Variants in RBFOX1 observed in about 807,000 individuals in gnomAD.
RBFOX1 encodes the protein RNA binding fox-1 homolog 1.
RBFOX1 carries 8 observed loss-of-function variants against 57.7 expected under a neutral mutation model. The observed-to-expected ratio is 0.14, with a 90% CI of 0.08 to 0.25. The LOEUF (loss-of-function observed/expected upper bound fraction) is 0.25, where lower values mean the gene tolerates loss of function less well. Ranked by LOEUF, RBFOX1 falls within the 10% of genes least tolerant of loss-of-function variation. RBFOX1 has a pLI of 1.00. For missense variants in RBFOX1, 611 were observed against 548.5 expected (o/e 1.11, Z -1.14); for synonymous variants, 326 against 222.4 (o/e 1.47, Z -4.15).
chr16:6,252,272 G>A (rs2152948446), intron 1 of RBFOX1, among the ~76,000 whole-genome samples: 1 of 152,120 alleles, frequency 6.6e-6, no homozygotes, highest in South Asian at 2.1e-4. Context: ...AAAGAAGAAA[G>A]GTAAAATGGG....
At chr16:5,866,587 C>G (rs1408078630) in intron 3 of RBFOX1, among the ~76,000 whole-genome samples, 5 of 152,206 alleles carry the variant, frequency 3.3e-5, no homozygotes, top group Non-Finnish European at 7.3e-5. Flanking sequence ...TGGGAGGTGT[C>G]TACACCAAAT....
intron 4 of RBFOX1, among the ~76,000 whole-genome samples, chr16:7,157,131 T>A (rs2077313912): frequency 6.6e-6 from 1 of 152,196 alleles, no homozygotes; most frequent in South Asian, 2.1e-4. Flanking sequence ...GCAATCGTAT[T>A]CTCATTGGCA....
At chr16:6,101,406 A>G (rs1453520701) in intron 1 of RBFOX1, among the ~76,000 whole-genome samples, 3 of 152,070 alleles carry the variant, frequency 2.0e-5, no homozygotes, top group Non-Finnish European at 4.4e-5. Context: ...ATTTTTTCTC[A>G]CAAGGCAGCC....
intron 5 of RBFOX1, among the ~76,000 whole-genome samples, chr16:7,532,888 G>C (rs2152392936): frequency 6.6e-6 from 1 of 152,320 alleles, no homozygotes; most frequent in East Asian, 1.9e-4. Flanking sequence ...CCCCGATCTA[G>C]GCCAAAGTGT....
intron 2 of RBFOX1, among the ~76,000 whole-genome samples, chr16:5,544,055 C>T (rs2045080732): frequency 6.6e-6 from 1 of 152,124 alleles, no homozygotes; most frequent in Non-Finnish European, 1.5e-5. Context: ...ACAATGTCAC[C>T]AACCAGTTTG....
At chr16:7,214,184 A>G (rs2091639855) in intron 4 of RBFOX1, among the ~76,000 whole-genome samples, 1 of 151,988 alleles carries the variant, frequency 6.6e-6, no homozygotes, top group Non-Finnish European at 1.5e-5. Context: ...GCCACAGTAG[A>G]CCCTTCATTT....
At chr16:6,746,692 A>T (rs74815641) in intron 3 of RBFOX1, among the ~76,000 whole-genome samples, 3 of 151,898 alleles carry the variant, frequency 2.0e-5, no homozygotes, top group African/African-American at 7.3e-5. Context: ...AAAAAAAAAA[A>T]GTGTTGTCTT....
intron 4 of RBFOX1, among the ~76,000 whole-genome samples, chr16:7,506,536 G>C (rs755556163): frequency 6.6e-6 from 1 of 151,988 alleles, no homozygotes; most frequent in Non-Finnish European, 1.5e-5. Flanking sequence ...TCTTTTCCTC[G>C]TTACCAGACA....
intron 4 of RBFOX1, among the ~76,000 whole-genome samples, chr16:7,257,827 A>C (rs1428166088): frequency 6.6e-6 from 1 of 152,228 alleles, no homozygotes; most frequent in Non-Finnish European, 1.5e-5. Context: ...GCATTTAGCT[A>C]AGGAAATTAA....
intron 1 of RBFOX1, among the ~76,000 whole-genome samples, chr16:6,215,196 A>G (rs1159842451): frequency 1.4e-3 from 89 of 62,524 alleles, no homozygotes; most frequent in Admixed American, 2.4e-3. Flanking sequence ...GAAGGAGAGG[A>G]GGATAAGGAG....
chr16:5,772,646 G>C (rs532114429), intron 3 of RBFOX1, among the ~76,000 whole-genome samples: 1 of 152,196 alleles, frequency 6.6e-6, no homozygotes, highest in Non-Finnish European at 1.5e-5. Context: ...ATCTATTCTG[G>C]AAGAAACAGG....
chr16:7,299,041 A>G (rs1383369383), intron 4 of RBFOX1, among the ~76,000 whole-genome samples: 2 of 152,216 alleles, frequency 1.3e-5, no homozygotes. Context: ...ATATTTCAGC[A>G]GGACAGATAT....
At chr16:5,735,886 T>C (rs539335825) in intron 3 of RBFOX1, among the ~76,000 whole-genome samples, 1 of 151,768 alleles carries the variant, frequency 6.6e-6, no homozygotes, top group South Asian at 2.1e-4. Context: ...AAAAAACAAA[T>C]AAAACAACAA....
chr16:6,962,533 G>A (rs1042211359), intron 3 of RBFOX1, among the ~76,000 whole-genome samples: 1 of 151,656 alleles, frequency 6.6e-6, no homozygotes, highest in Admixed American at 6.6e-5. Context: ...AAGCTCAGAG[G>A]TCAAAAGCAC....
rs1340969733 is a variant in RBFOX1, at chr16:6,931,346, C to T, written c.-15-120711C>T. Reference sequence around the variant, plus strand: ...CTATCTATCTATCTATCTCTACACACACACACACACACACACATACATACA... The same window carrying T: ...CTATCTATCTATCTATCTCTACACATACACACACACACACACATACATACA... On this transcript the variant is annotated intron_variant, in intron 3 of 15. Coordinates refer to ENST00000550418, the MANE Select transcript of RBFOX1 (RefSeq NM_018723.4). Among the ~76,000 whole-genome samples, 74 of 143,174 alleles carry T rather than the reference C, an allele frequency of 5.2e-4. 1 individual carries two copies. The highest frequency in any genetic ancestry group is 3.9e-3 in the East Asian group (19 of 4,852). 93.9% of individuals were successfully genotyped at this position (143,174 alleles called of 152,430 possible).
chr16:6,001,967 C>G (rs894364731), intron 4 of RBFOX1, among the ~76,000 whole-genome samples: 4 of 138,958 alleles, frequency 2.9e-5, no homozygotes, highest in African/African-American at 1.1e-4. Flanking sequence ...AGCTCTTAAA[C>G]CTTTTTTTTT....
intron 1 of RBFOX1, among the ~76,000 whole-genome samples, chr16:5,278,148 CA>C (rs796851238): frequency 1.6e-4 from 24 of 152,258 alleles, no homozygotes; most frequent in African/African-American, 5.5e-4. Flanking sequence ...TTCTTTTGTT[CA>C]GATACTTGCC....
At chr16:5,629,640 G>A (rs1378181273) in intron 3 of RBFOX1, among the ~76,000 whole-genome samples, 1 of 152,188 alleles carries the variant, frequency 6.6e-6, no homozygotes, top group East Asian at 1.9e-4. Context: ...CCTGCTTGGG[G>A]TCTTGGTATG....
At chr16:7,051,732 G>A (rs1334997636) in intron 3 of RBFOX1, among the ~76,000 whole-genome samples, 1 of 152,090 alleles carries the variant, frequency 6.6e-6, no homozygotes, top group Non-Finnish European at 1.5e-5. Flanking sequence ...GGCAAGCTGG[G>A]GTTTTCAGGG....
Sources: allele counts gnomAD v4.1 joint callset (sites outside exome capture counted in the v4.1 genomes callset), GRCh38; gene constraint gnomAD v4.1.1; transcripts MANE v1.5; gene names NCBI Gene and HGNC (gene_info 2026-07-23, HGNC 2026-07-21).